Variants in LMNTD1 observed in about 807,000 individuals in gnomAD.
LMNTD1 encodes the protein lamin tail domain containing 1.
In LMNTD1, 35 loss-of-function variants were observed where a neutral mutation model predicts 50.9. The ratio of observed to expected loss-of-function variants is 0.69; its 90% CI spans 0.53 to 0.91. The LOEUF is 0.91. Ranked by LOEUF, LMNTD1 falls within the 40% of genes least tolerant of loss-of-function variation. The pLI is 0.00. For missense variants in LMNTD1, 470 were observed against 475.5 expected (o/e 0.99, Z 0.11); for synonymous variants, 153 against 161.9 (o/e 0.94, Z 0.42).
chr12:25,615,838 T>C (rs938777702), intron 1 of LMNTD1, among the ~76,000 whole-genome samples: 4 of 152,252 alleles, frequency 2.6e-5, no homozygotes, highest in Non-Finnish European at 4.4e-5. Flanking sequence ...TTGTTAAAAC[T>C]GGAGTTTACT....
At chr12:25,495,249 C>CTTGTGTGTGTGT (rs71449919) in intron 9 of LMNTD1, among the ~76,000 whole-genome samples, 1 of 144,668 alleles carries the variant, frequency 6.9e-6, no homozygotes, top group Non-Finnish European at 1.5e-5. Context: ...AAAGTGTGTA[C>CTTGTGTGTGTGT]GTGTGTGTGT....
At chr12:25,498,998 C>T (rs985118748) in intron 9 of LMNTD1, among the ~76,000 whole-genome samples, 2 of 152,104 alleles carry the variant, frequency 1.3e-5, no homozygotes, top group African/African-American at 2.4e-5. Flanking sequence ...TCATATTAAC[C>T]TTAAATTAAG....
chr12:25,541,398 G>T (rs1943061875), intron 4 of LMNTD1, among the ~76,000 whole-genome samples: 1 of 147,138 alleles, frequency 6.8e-6, no homozygotes, highest in African/African-American at 2.5e-5. Flanking sequence ...ACAGAACAGA[G>T]CCCTCAGAAA....
chr12:25,530,393 C>G (rs1476708913), intron 4 of LMNTD1, among the ~76,000 whole-genome samples: 1 of 152,052 alleles, frequency 6.6e-6, no homozygotes, highest in Admixed American at 6.6e-5. Context: ...TTTCCCTGCT[C>G]TTATGTCATA....
intron 1 of LMNTD1, among the ~76,000 whole-genome samples, chr12:25,632,665 A>G (rs1946745951): frequency 6.6e-6 from 1 of 152,210 alleles, no homozygotes; most frequent in Non-Finnish European, 1.5e-5. Flanking sequence ...CTTCAAATGA[A>G]TCCTGGAAAC....
chr12:25,596,582 A>C (rs911348190), intron 1 of LMNTD1, among the ~76,000 whole-genome samples: 1 of 152,126 alleles, frequency 6.6e-6, no homozygotes, highest in Non-Finnish European at 1.5e-5. Context: ...ATCTTCAAAC[A>C]TGAAGGAGAA....
intron 9 of LMNTD1, among the ~76,000 whole-genome samples, chr12:25,502,695 G>T (rs974786595): frequency 6.6e-6 from 1 of 152,190 alleles, no homozygotes; most frequent in Non-Finnish European, 1.5e-5. Flanking sequence ...GAATAGAGAA[G>T]TTGTGGCTAT....
At chr12:25,571,139 GAGTAGACC>G (rs1944772353) in intron 1 of LMNTD1, among the ~76,000 whole-genome samples, 1 of 152,074 alleles carries the variant, frequency 6.6e-6, no homozygotes, top group Non-Finnish European at 1.5e-5. Flanking sequence ...AACTAGTTCT[GAGTAGACC>G]AGTTTTAAAA....
rs949686131 is a variant in LMNTD1 at position 25,646,148 on chromosome 12, A to G, written c.58+2346T>C. 1.1e-4 allele frequency among the ~76,000 whole-genome samples: 17 copies of G among 152,044 alleles called. No individual in the cohort carries two copies. The East Asian group carries it at 2.5e-3, about 23-fold the overall frequency. ...TTAATTTTTTTTAAATAAATAGTAAACCCCAAGCTATGAGGGATGGCATTG... is the reference window on the plus strand; with the variant it reads ...TTAATTTTTTTTAAATAAATAGTAAGCCCCAAGCTATGAGGGATGGCATTG... On this transcript the variant is annotated intron_variant, in intron 1 of 7. Transcript: ENST00000445693.
chr12:25,583,764 T>C (rs967578052), intron 1 of LMNTD1, among the ~76,000 whole-genome samples: 7 of 151,998 alleles, frequency 4.6e-5, no homozygotes, highest in African/African-American at 1.7e-4. Flanking sequence ...TAGACAGTGA[T>C]AAGAAATGAG....
intron 1 of LMNTD1, among the ~76,000 whole-genome samples, chr12:25,603,955 AG>A (rs1592094772): frequency 1.3e-5 from 2 of 152,176 alleles, no homozygotes; most frequent in East Asian, 3.9e-4. Flanking sequence ...TTGGGGGGGA[AG>A]GCTGACAAGT....
Position 25,552,863 on chromosome 12 carries a change from A to G in LMNTD1, c.89+8T>C, listed in dbSNP as rs1410830031. 6.7e-7 allele frequency: 1 copy of G among 1,490,914 alleles called. No individual in the cohort carries two copies. The highest frequency in any genetic ancestry group is 9.2e-7 in the Non-Finnish European group (1 of 1,091,668). The allele number at this position is 1,490,914 out of a possible 1,614,324, so 92.4% of individuals were successfully genotyped here. A position where few individuals can be genotyped will look rare whatever the true frequency, so the allele number is the denominator to read the frequency against. Reference sequence around the variant, plus strand: ...AACTCTGCTTCCATCGCATCTATGCATGCTCACTGTTTTTGTTTCTCATTC... The same window carrying G: ...AACTCTGCTTCCATCGCATCTATGCGTGCTCACTGTTTTTGTTTCTCATTC... On this transcript the variant is annotated splice_region_variant and intron_variant, in intron 2 of 9. Coordinates refer to ENST00000458174, the MANE Select transcript of LMNTD1 (RefSeq NM_001145728.2).
chr12:25,510,181 A>T (rs1381353830), intron 8 of LMNTD1, among the ~76,000 whole-genome samples: 1 of 149,798 alleles, frequency 6.7e-6, no homozygotes. Flanking sequence ...CATGTGGGAT[A>T]ATTTTCTTTC....
chr12:25,606,502 T>A (rs982986336), intron 1 of LMNTD1, among the ~76,000 whole-genome samples: 11 of 152,198 alleles, frequency 7.2e-5, no homozygotes, highest in Non-Finnish European at 5.9e-5. Context: ...TTGAGATACA[T>A]CCCATCAATA....
At chr12:25,484,597 G>A (rs1938555136) in intron 9 of LMNTD1, among the ~76,000 whole-genome samples, 1 of 150,432 alleles carries the variant, frequency 6.6e-6, no homozygotes, top group Non-Finnish European at 1.5e-5. Context: ...CTGGTGCGCT[G>A]CACCCACTAA....
intron 6 of LMNTD1, among the ~76,000 whole-genome samples, chr12:25,520,750 T>C (rs1484805268): frequency 1.3e-5 from 2 of 152,224 alleles, no homozygotes. Context: ...ATGGTAGCTC[T>C]ACTTTTAATT....
intron 1 of LMNTD1, among the ~76,000 whole-genome samples, chr12:25,626,011 T>G (rs1355957060): frequency 6.6e-6 from 1 of 152,230 alleles, no homozygotes; most frequent in Non-Finnish European, 1.5e-5. Context: ...AATGGAAAAG[T>G]AGCATTATAT....
At chr12:25,609,661 A>G (rs979316137) in intron 1 of LMNTD1, among the ~76,000 whole-genome samples, 26 of 152,208 alleles carry the variant, frequency 1.7e-4, no homozygotes, top group Non-Finnish European at 3.4e-4. Context: ...AGGCTGCAGA[A>G]TAGCAAATAT....
chr12:25,532,904 T>C (rs1942323029), intron 4 of LMNTD1, among the ~76,000 whole-genome samples: 1 of 152,164 alleles, frequency 6.6e-6, no homozygotes. Context: ...GACTTGCTTT[T>C]TCTGCCTGGG....
Sources: allele counts gnomAD v4.1 joint callset (sites outside exome capture counted in the v4.1 genomes callset), GRCh38; gene constraint gnomAD v4.1.1; transcripts MANE v1.5; gene names NCBI Gene and HGNC (gene_info 2026-07-23, HGNC 2026-07-21).